RALYL: variants seen among roughly 807,000 people sequenced by gnomAD.
RALYL encodes the protein RNA-binding Raly-like protein.
A neutral mutation model predicts 35.1 loss-of-function variants in RALYL; 29 were observed. That is an observed-to-expected ratio of 0.83 (90% CI 0.61 to 1.13). RALYL has a LOEUF of 1.13. Ranked by LOEUF, RALYL falls within the 50% of genes most tolerant of loss-of-function variation. RALYL has a pLI of 0.00. For synonymous variants in RALYL, 120 were observed against 127.6 expected (o/e 0.94, Z 0.40); for missense variants, 359 against 360.4 (o/e 1.00, Z 0.03).
chr8:84,603,878 G>A (rs1248782169), intron 2 of RALYL, among the ~76,000 whole-genome samples: 1 of 152,032 alleles, frequency 6.6e-6, no homozygotes, highest in African/African-American at 2.4e-5. Flanking sequence ...TCCTGAACCT[G>A]TCTTAAGGAA....
intron 1 of RALYL, among the ~76,000 whole-genome samples, chr8:84,384,170 A>G (rs1858643750): frequency 6.6e-6 from 1 of 151,764 alleles, no homozygotes; most frequent in African/African-American, 2.4e-5. Context: ...AAAATTACCT[A>G]TTTGAAAAAG....
chr8:84,595,763 GTT>G (rs35714907), intron 2 of RALYL, among the ~76,000 whole-genome samples: 1,656 of 120,144 alleles, frequency 0.014, 18 homozygotes, highest in African/African-American at 0.046. Context: ...AAAACCATAA[GTT>G]TTTTTTTTTT....
At chr8:84,722,645 A>ATATATATATATATATATATG in intron 2 of RALYL, among the ~76,000 whole-genome samples, 1 of 138,784 alleles carries the variant, frequency 7.2e-6, no homozygotes, top group South Asian at 2.2e-4. Flanking sequence ...ATATATATAT[A>ATATATATATATATATATATG]TATGTATGTA....
At chr8:84,555,997 C>T (rs2061088388) in intron 2 of RALYL, among the ~76,000 whole-genome samples, 1 of 152,188 alleles carries the variant, frequency 6.6e-6, no homozygotes, top group Non-Finnish European at 1.5e-5. Flanking sequence ...AACCTGCTCA[C>T]TTGGGCTTGC....
chr8:84,191,442 T>C (rs1453927840), intron 1 of RALYL, among the ~76,000 whole-genome samples: 1 of 152,182 alleles, frequency 6.6e-6, no homozygotes, highest in Non-Finnish European at 1.5e-5. Context: ...CAGGAAGCAA[T>C]GAGCCCTTCT....
At chr8:84,713,226 T>C (rs192314444) in intron 2 of RALYL, among the ~76,000 whole-genome samples, 62 of 152,174 alleles carry the variant, frequency 4.1e-4, no homozygotes, top group Middle Eastern at 3.4e-3. Context: ...TTCCCTATTA[T>C]ATGTTCTTGG....
intron 6 of RALYL, among the ~76,000 whole-genome samples, chr8:84,871,933 T>C (rs901171257): frequency 2.0e-5 from 3 of 150,016 alleles, no homozygotes; most frequent in Non-Finnish European, 3.0e-5. Flanking sequence ...TTGCATTTTG[T>C]TTTTGTTTTT....
chr8:84,715,505 A>G (rs1842830244), intron 2 of RALYL, among the ~76,000 whole-genome samples: 1 of 152,010 alleles, frequency 6.6e-6, no homozygotes, highest in South Asian at 2.1e-4. Flanking sequence ...TTTTACCAAT[A>G]TCCCTACCCT....
At chr8:84,894,749 A>G (rs1245073530) in intron 8 of RALYL, among the ~76,000 whole-genome samples, 2 of 152,180 alleles carry the variant, frequency 1.3e-5, no homozygotes, top group Non-Finnish European at 2.9e-5. Context: ...TCCCTTTGTA[A>G]TAAGTGTCCC....
intron 1 of RALYL, among the ~76,000 whole-genome samples, chr8:84,290,655 C>G (rs1838605444): frequency 6.6e-6 from 1 of 152,138 alleles, no homozygotes; most frequent in Non-Finnish European, 1.5e-5. Flanking sequence ...AGGGCATATT[C>G]ACTTCTTTTG....
intron 2 of RALYL, among the ~76,000 whole-genome samples, chr8:84,548,332 G>A (rs1392461964): frequency 1.3e-4 from 19 of 151,844 alleles, no homozygotes; most frequent in Admixed American, 9.2e-4. Context: ...GAGTTCTGTC[G>A]CATGTTTACA....
chr8:84,851,502 A>T lies in RALYL; in HGVS notation c.413+1475A>T, dbSNP rs553924023. On this transcript the variant is annotated intron_variant, in intron 5 of 8. Transcript: ENST00000521268. ...ATTACGGGATTAAAAAATGAGGTAA[A>T]TATATTTTAAGCCTTTAATTATGAG... Among the ~76,000 whole-genome samples the T allele has an allele frequency of 3.9e-4, 60 of 152,296 alleles. No individual in the cohort carries two copies. The South Asian group carries it at 6.4e-3, about 16-fold the overall frequency.
At chr8:84,431,818 T>C (rs1378332675) in intron 1 of RALYL, among the ~76,000 whole-genome samples, 2 of 152,172 alleles carry the variant, frequency 1.3e-5, no homozygotes, top group Non-Finnish European at 2.9e-5. Flanking sequence ...TGATTTCATA[T>C]CTTGGCTAAT....
chr8:84,752,345 G>A (rs1810279436), intron 2 of RALYL, among the ~76,000 whole-genome samples: 1 of 152,122 alleles, frequency 6.6e-6, no homozygotes, highest in Admixed American at 6.5e-5. Flanking sequence ...GTATGTGTGA[G>A]CAAAGAAGTT....
rs749952859 is a variant in RALYL, at chr8:84,490,078, C to CGTGT, written c.-23-39221_-23-39220insGTGT. 6.8e-3 allele frequency among the ~76,000 whole-genome samples: 627 copies of CGTGT among 91,918 alleles called. 5 individuals are homozygous for CGTGT. The highest frequency in any genetic ancestry group is 0.044 in the South Asian group (80 of 1,816). The allele number at this position is 91,918 out of a possible 152,430, so 60.3% of individuals were successfully genotyped here. A position where few individuals can be genotyped will look rare whatever the true frequency, so the allele number is the denominator to read the frequency against. On this transcript the variant is annotated intron_variant, in intron 1 of 8. Transcript: ENST00000521268. ...TAGTGGAAGTCAGAGTGCTTGCGTG[C>CGTGT]ATGTGTGTGTGTGTGTGTGTGTGTG...
chr8:84,202,537 A>G (rs1586142013), intron 1 of RALYL, among the ~76,000 whole-genome samples: 2 of 151,918 alleles, frequency 1.3e-5, no homozygotes, highest in East Asian at 1.9e-4. Context: ...ACGCCCAGCT[A>G]ATTTTTTTGT....
intron 1 of RALYL, among the ~76,000 whole-genome samples, chr8:84,431,445 T>C (rs2047132604): frequency 6.6e-6 from 1 of 152,112 alleles, no homozygotes; most frequent in Non-Finnish European, 1.5e-5. Flanking sequence ...CAGCGAGTTA[T>C]CACCCCACAC....
At chr8:84,379,717 C>T (rs895879660) in intron 1 of RALYL, among the ~76,000 whole-genome samples, 4 of 151,508 alleles carry the variant, frequency 2.6e-5, no homozygotes, top group Non-Finnish European at 5.9e-5. Context: ...GTAAAAGCAT[C>T]CAAACATATA....
At chr8:84,196,315 G>A (rs1815265427) in intron 1 of RALYL, among the ~76,000 whole-genome samples, 1 of 152,042 alleles carries the variant, frequency 6.6e-6, no homozygotes, top group Non-Finnish European at 1.5e-5. Context: ...GAAAGAAGGA[G>A]GTCAACAATA....
Sources: allele counts gnomAD v4.1 joint callset (sites outside exome capture counted in the v4.1 genomes callset), GRCh38; gene constraint gnomAD v4.1.1; transcripts MANE v1.5; gene names NCBI Gene and HGNC (gene_info 2026-07-23, HGNC 2026-07-21).